The following DLGAP2 variants were observed in gnomAD, a reference collection of about 807,000 sequenced individuals.
The protein encoded by DLGAP2 is DLG associated protein 2.
A neutral mutation model predicts 100.3 loss-of-function variants in DLGAP2; 26 were observed. The observed-to-expected ratio is 0.26, with a 90% confidence interval of 0.19 to 0.36. DLGAP2 has a LOEUF of 0.36. Ranked by LOEUF, DLGAP2 falls within the 10% of genes least tolerant of loss-of-function variation. The probability of loss-of-function intolerance (pLI) is 1.00; values close to 1 mark genes in which losing one functional copy is unlikely to be tolerated. For missense variants in DLGAP2, 1,858 were observed against 1,453.2 expected (o/e 1.28, Z -4.53); for synonymous variants, 886 against 630.1 (o/e 1.41, Z -6.08).
intron 12 of DLGAP2, among the ~76,000 whole-genome samples, chr8:1,686,065 G>C (rs942203217): frequency 1.4e-4 from 22 of 152,212 alleles, no homozygotes; most frequent in African/African-American, 5.3e-4. Context: ...TCATTGTCCT[G>C]CTGGGCATAG....
intron 3 of DLGAP2, among the ~76,000 whole-genome samples, chr8:1,483,030 G>A (rs1307298315): frequency 6.6e-6 from 1 of 152,188 alleles, no homozygotes; most frequent in Non-Finnish European, 1.5e-5. Flanking sequence ...CTCCTCCTTG[G>A]AGCTGGCTTG....
Position 1,255,072 on chromosome 8 carries a change from C to G in DLGAP2, c.74-3779C>G, listed in dbSNP as rs1226237843. Among the ~76,000 whole-genome samples, 556 of 112,018 alleles carry G rather than the reference C, an allele frequency of 5.0e-3. 2 individuals carry two copies. The highest frequency in any genetic ancestry group is 0.011 in the African/African-American group (281 of 26,180). 73.5% of individuals were successfully genotyped at this position (112,018 alleles called of 152,430 possible). ...GTGTGTGTCCTCTCATCCTGCCCGG[C>G]CGCTGTGTGTGTGTCCTCTCATCCT... On this transcript the variant is annotated intron_variant, in intron 2 of 14. Coordinates refer to ENST00000637795, the MANE Select transcript of DLGAP2 (RefSeq NM_001346810.2).
chr8:1,514,382 A>G (rs1239524591), intron 4 of DLGAP2, among the ~76,000 whole-genome samples: 1 of 152,260 alleles, frequency 6.6e-6, no homozygotes, highest in East Asian at 1.9e-4. Context: ...GTTTCACATA[A>G]CACAGAACCC....
chr8:1,618,982 C>G (rs182689968), intron 6 of DLGAP2, among the ~76,000 whole-genome samples: 2 of 152,092 alleles, frequency 1.3e-5, no homozygotes, highest in Non-Finnish European at 2.9e-5. Context: ...CTCAAATAGA[C>G]AAAATAGATC....
intron 2 of DLGAP2, among the ~76,000 whole-genome samples, chr8:1,096,978 C>A (rs1804395880): frequency 2.0e-5 from 3 of 148,308 alleles, no homozygotes; most frequent in Admixed American, 6.7e-5. Flanking sequence ...GAGGACCCCT[C>A]CAGCGTGAGA....
At chr8:1,454,167 T>G (rs527263842) in intron 3 of DLGAP2, among the ~76,000 whole-genome samples, 1 of 152,302 alleles carries the variant, frequency 6.6e-6, no homozygotes, top group South Asian at 2.1e-4. Flanking sequence ...TCGCAAACCC[T>G]CTGTGGATGT....
At chr8:1,116,881 G>A (rs1325731679) in intron 2 of DLGAP2, among the ~76,000 whole-genome samples, 1 of 152,198 alleles carries the variant, frequency 6.6e-6, no homozygotes, top group Admixed American at 6.5e-5. Context: ...TTGACTCTGA[G>A]TCTGAACACA....
chr8:1,149,005 G>T (rs73670653), intron 2 of DLGAP2, among the ~76,000 whole-genome samples: 2,896 of 152,214 alleles, frequency 0.019, 104 homozygotes, highest in African/African-American at 0.066. Context: ...TAATTGATCA[G>T]ATTTATCCAG....
rs546842264 is a variant in DLGAP2 at position 898,657 on chromosome 8, C to G, written c.19-9255C>G. ...CCTGCAGCTCATTGCTGGGTCCTCA[C>G]TCAGATGCCTCTGTGGGGACCTCTG... On this transcript the variant is annotated intron_variant, in intron 1 of 14. Coordinates refer to ENST00000637795, the MANE Select transcript of DLGAP2 (RefSeq NM_001346810.2). 2.7e-5 allele frequency among the ~76,000 whole-genome samples: 3 copies of G among 111,728 alleles called. No individual in the cohort carries two copies. In the South Asian group the frequency reaches 7.6e-4, roughly 28 times the overall value. 73.3% of individuals were successfully genotyped at this position (111,728 alleles called of 152,430 possible).
intron 4 of DLGAP2, among the ~76,000 whole-genome samples, chr8:1,505,547 C>T (rs542374817): frequency 6.6e-6 from 1 of 152,168 alleles, no homozygotes; most frequent in Non-Finnish European, 1.5e-5. Context: ...CTCTGAAGCT[C>T]ATAGAGTGTA....
At chr8:1,296,075 C>G (rs746886959) in intron 3 of DLGAP2, 2 of 152,144 alleles carry the variant, frequency 1.3e-5, no homozygotes, top group African/African-American at 2.4e-5. Context: ...ACCTGCTGTT[C>G]GCCTGATGCC....
chr8:1,643,682 G>A (rs373376462), intron 8 of DLGAP2, among the ~76,000 whole-genome samples: 3 of 43,712 alleles, frequency 6.9e-5, no homozygotes, highest in Non-Finnish European at 1.2e-4. Flanking sequence ...CCAACCCGCC[G>A]GTCCTCACCT....
chr8:1,654,850 C>A (rs1474861441), intron 8 of DLGAP2, among the ~76,000 whole-genome samples: 1 of 152,092 alleles, frequency 6.6e-6, no homozygotes, highest in East Asian at 1.9e-4. Flanking sequence ...AGTTTTGTTA[C>A]CTGGCCCTTT....
intron 5 of DLGAP2, among the ~76,000 whole-genome samples, chr8:1,556,211 T>G (rs1311341536): frequency 6.6e-6 from 1 of 152,184 alleles, no homozygotes; most frequent in Non-Finnish European, 1.5e-5. Flanking sequence ...TGCCCTCAAC[T>G]TGGCAGCTGA....
At chr8:1,682,156 G>A (rs1798967268) in intron 12 of DLGAP2, among the ~76,000 whole-genome samples, 1 of 152,166 alleles carries the variant, frequency 6.6e-6, no homozygotes, top group Non-Finnish European at 1.5e-5. Flanking sequence ...CCTCATTCTG[G>A]TCCTCCACGA....
At chr8:1,167,061 G>A (rs536635246) in intron 2 of DLGAP2, among the ~76,000 whole-genome samples, 3 of 152,154 alleles carry the variant, frequency 2.0e-5, no homozygotes, top group South Asian at 2.1e-4. Flanking sequence ...GCTTGAGCCC[G>A]GGAGGTTGAG....
intron 2 of DLGAP2, among the ~76,000 whole-genome samples, chr8:1,160,127 A>G (rs558109128): frequency 6.6e-6 from 1 of 152,284 alleles, no homozygotes; most frequent in South Asian, 2.1e-4. Context: ...GTGGGTTCGG[A>G]ATTGCTCTGA....
chr8:771,387 G>C (rs773341490), intron 1 of DLGAP2, among the ~76,000 whole-genome samples: 14 of 152,124 alleles, frequency 9.2e-5, no homozygotes, highest in Non-Finnish European at 2.9e-5. Flanking sequence ...CCCTTATTAA[G>C]TAGAGAAAAA....
chr8:1,626,830 G>C lies in DLGAP2; in HGVS notation c.1533G>C (p.Arg511=), dbSNP rs763458509. The part of the protein sequence containing the change: ...ANYNSPKFRS[R]NQSYMRAVST... The stretch of plus-strand genomic sequence containing the variant: ...ACAACTCCCCGAAATTCCGCTCCCG[G>C]AACCAGAGCTACATGAGGGCCGTCA... The change falls in exon 7 of 15, where the codon CGG becomes CGC. Residue 511 remains arginine, a synonymous_variant. Coordinates refer to ENST00000637795, the MANE Select transcript of DLGAP2 (RefSeq NM_001346810.2). The C allele has an allele frequency of 1.2e-6, 2 of 1,607,306 alleles. No homozygotes were observed. The highest frequency in any genetic ancestry group is 1.7e-6 in the Non-Finnish European group (2 of 1,177,168).
Sources: gnomAD v4.1 joint callset for allele counts (sites outside exome capture counted in the v4.1 genomes callset) on GRCh38, gnomAD v4.1.1 for gene constraint, MANE v1.5 for transcripts, NCBI Gene and HGNC (gene_info 2026-07-23, HGNC 2026-07-21) for gene names.